The following STARD9 variants were observed in gnomAD, a reference collection of about 807,000 sequenced individuals.
The protein encoded by STARD9 is stAR-related lipid transfer protein 9.
A neutral mutation model predicts 399.8 loss-of-function variants in STARD9; 346 were observed. The observed-to-expected ratio is 0.87, with a 90% CI of 0.79 to 0.95. The LOEUF is 0.95. STARD9 is among the 40% of genes least tolerant of loss of function. STARD9 has a pLI of 0.00. For missense variants in STARD9, 5,832 were observed against 5,667.5 expected (o/e 1.03, Z -0.93); for synonymous variants, 2,203 against 2,143.5 (o/e 1.03, Z -0.77).
At chr15:42,619,684 C>T (rs1015386935) in intron 3 of STARD9, among the ~76,000 whole-genome samples, 2 of 152,162 alleles carry the variant, frequency 1.3e-5, no homozygotes, top group African/African-American at 4.8e-5. Context: ...AGAGCTCAGG[C>T]AATGAAGTGA....
At chr15:42,701,447 A>C (rs1163417771) in intron 26 of STARD9, among the ~76,000 whole-genome samples, 1 of 152,082 alleles carries the variant, frequency 6.6e-6, no homozygotes, top group African/African-American at 2.4e-5. Flanking sequence ...CGTTGTAGAG[A>C]TCTTTCACCT....
At chr15:42,636,913 A>G (rs180875735) in intron 4 of STARD9, among the ~76,000 whole-genome samples, 4 of 151,974 alleles carry the variant, frequency 2.6e-5, no homozygotes, top group African/African-American at 9.6e-5. Context: ...TAAAAATACA[A>G]ATTAGCCAGG....
At chr15:42,666,097 G>T (rs1036602071) in intron 15 of STARD9, among the ~76,000 whole-genome samples, 1 of 152,190 alleles carries the variant, frequency 6.6e-6, no homozygotes, top group Non-Finnish European at 1.5e-5. Context: ...TAGCCTGGGG[G>T]CAAAAGACTG....
At position 42,688,880 on chromosome 15, in the gene STARD9, C is replaced by G; in HGVS notation, c.7302C>G (p.Asp2434Glu). The G allele has an allele frequency of 6.5e-7, 1 of 1,537,206 alleles. No individual in the cohort carries two copies. Among genetic ancestry groups the G allele is most frequent in the Non-Finnish European group, 8.7e-7 (1 of 1,146,854 alleles). Residue 2434 changes from aspartate (D) to glutamate (E), a missense_variant, in exon 23 of 33, where the codon GAC (aspartate) becomes GAG (glutamate). Coordinates refer to ENST00000290607, the MANE Select transcript of STARD9 (RefSeq NM_020759.3). Reference sequence around the variant, plus strand: ...AGAGCATTCCTCTGGGGACAGAGGACAGGATCTCAGCAAGCACCAGCCCCC... The same window carrying G: ...AGAGCATTCCTCTGGGGACAGAGGAGAGGATCTCAGCAAGCACCAGCCCCC... ...VPESIPLGTE[D>E]RISASTSPQD...
In STARD9 at chr15:42,697,710, C is replaced by T. The variant is rs151023573; in HGVS notation, c.13284+1830C>T. Among the ~76,000 whole-genome samples the T allele has an allele frequency of 7.2e-5, 11 of 152,226 alleles. No homozygotes were observed. In the East Asian group the frequency reaches 1.3e-3, roughly 19 times the overall value. ...ACACTATATGAAATTACCTTCAGGC[C>T]GTGTGTATAAGGTATATATCCAACA... On this transcript the variant is annotated intron_variant, in intron 26 of 32. Transcript: ENST00000290607.
rs544081540 is a variant in STARD9 at position 42,579,061 on chromosome 15, A to G, written c.47+3299A>G. Among the ~76,000 whole-genome samples, 28 of 152,296 alleles carry G rather than the reference A, an allele frequency of 1.8e-4. 1 individual carries two copies. The South Asian group carries it at 5.6e-3, about 30-fold the overall frequency. ...CCAGGACACCAATGGCTACTTAACTATGAGGGGATGGATGCTTTAATCTTT... is the reference window on the plus strand; with the variant it reads ...CCAGGACACCAATGGCTACTTAACTGTGAGGGGATGGATGCTTTAATCTTT... On this transcript the variant is annotated intron_variant, in intron 1 of 32. Coordinates refer to ENST00000290607, the MANE Select transcript of STARD9 (RefSeq NM_020759.3).
Position 42,684,513 on chromosome 15 carries a change from G to A in STARD9, c.2935G>A (p.Gly979Arg). ...TACTACCCAGACCAGAGGGGCGAAG[G>A]GACTAGCAGACCCTAGCCACACACA... Reference protein sequence around the residue: ...TSTTQTRGAKGLADPSHTQAG... With the variant: ...TSTTQTRGAKRLADPSHTQAG... Residue 979 changes from glycine to arginine, a missense_variant, in exon 23 of 33, where the codon GGA becomes AGA. Physicochemically the swap from Gly to Arg is moderately radical, Grantham distance 125. Around this residue, in one of 2 missense-constraint regions of STARD9, gnomAD observed 5,828 missense variants for 5,651.1 expected, o/e 1.03. Coordinates refer to ENST00000290607, the MANE Select transcript of STARD9 (RefSeq NM_020759.3). 1 of 1,537,200 alleles carries A rather than the reference G, an allele frequency of 6.5e-7. No individual in the cohort carries two copies. Among genetic ancestry groups the A allele is most frequent in the Admixed American group, 2.0e-5 (1 of 51,006 alleles).
At chr15:42,663,001 C>T (rs1243573641) in intron 11 of STARD9, 110 bp downstream of exon 11, 1 of 868,128 alleles carries the variant, frequency 1.2e-6, no homozygotes, top group Non-Finnish European at 1.8e-6. Context: ...AGGTTACCTT[C>T]TGGTTTGGGG....
At chr15:42,679,003 G>A (rs1015793437) in intron 20 of STARD9, among the ~76,000 whole-genome samples, 4 of 152,182 alleles carry the variant, frequency 2.6e-5, no homozygotes, top group Non-Finnish European at 5.9e-5. Context: ...TATCATAGCT[G>A]TCACTTTCTT....
chr15:42,671,206 C>T (rs2060196788), intron 16 of STARD9: 1 of 141,254 alleles, frequency 7.1e-6, no homozygotes, highest in South Asian at 2.3e-4. Flanking sequence ...GATCTTAGCT[C>T]ACTGCAACCT....
intron 3 of STARD9, among the ~76,000 whole-genome samples, chr15:42,625,383 T>G (rs1011715169): frequency 1.3e-5 from 2 of 151,270 alleles, no homozygotes; most frequent in African/African-American, 4.9e-5. Flanking sequence ...CAGACTAGAG[T>G]GCAGTGGCGC....
At chr15:42,716,644 C>CT (rs1299233937) in intron 26 of STARD9, 33 bp from the exon 27 acceptor site, 32 of 1,376,364 alleles carry the variant, frequency 2.3e-5, no homozygotes, top group Non-Finnish European at 2.9e-5. Context: ...TGCTTGCCTT[C>CT]TGGCTCTGTC....
chr15:42,682,206 T>C lies in STARD9; in HGVS notation c.2168T>C (p.Leu723Pro). 2.0e-6 allele frequency: 3 copies of C among 1,537,254 alleles called. No individual in the cohort carries two copies. Among genetic ancestry groups the C allele is most frequent in the Non-Finnish European group, 2.6e-6 (3 of 1,146,892 alleles). ...AAAGAACTTGAGGCATCTGTGGCACTTGATGCTTGGCTTCAGACAGATCCT... is the reference window on the plus strand; with the variant it reads ...AAAGAACTTGAGGCATCTGTGGCACCTGATGCTTGGCTTCAGACAGATCCT... ...AEKELEASVA[L>P]DAWLQTDPEI... Residue 723 changes from leucine (L) to proline (P), a missense_variant, in exon 22 of 33, where the codon CTT becomes CCT. By Grantham distance (98) the Leu-to-Pro change is moderately conservative (BLOSUM62 -3). Around this residue, in one of 2 missense-constraint regions of STARD9, gnomAD observed 5,828 missense variants for 5,651.1 expected, o/e 1.03. Coordinates refer to ENST00000290607, the MANE Select transcript of STARD9 (RefSeq NM_020759.3).
intron 26 of STARD9, among the ~76,000 whole-genome samples, chr15:42,715,484 C>T (rs892353679): frequency 1.3e-5 from 2 of 151,592 alleles, no homozygotes; most frequent in Admixed American, 6.6e-5. Context: ...AGTCTAAGAC[C>T]AACATGGGCA....
At chr15:42,680,490 C>T (rs561341467) in intron 20 of STARD9, among the ~76,000 whole-genome samples, 1 of 152,154 alleles carries the variant, frequency 6.6e-6, no homozygotes, top group East Asian at 1.9e-4. Context: ...ATCCCAGCTA[C>T]TTGGGAGGCT....
At chr15:42,586,296 G>T (rs1188355742) in intron 3 of STARD9, among the ~76,000 whole-genome samples, 1 of 152,236 alleles carries the variant, frequency 6.6e-6, no homozygotes, top group Non-Finnish European at 1.5e-5. Flanking sequence ...CAGCCAGCCT[G>T]CAAGGTAGGT....
At position 42,719,764 on chromosome 15, in the gene STARD9, G is replaced by A. The variant is rs2140436674; in HGVS notation, c.*190G>A. 1 of 580,796 alleles carries A rather than the reference G, an allele frequency of 1.7e-6. No individual in the cohort carries two copies. Among genetic ancestry groups the A allele is most frequent in the East Asian group, 2.9e-5 (1 of 34,642 alleles). The allele number at this position is 580,796 out of a possible 1,614,324, so 36.0% of individuals were successfully genotyped here. A position where few individuals can be genotyped will look rare whatever the true frequency, so the allele number is the denominator to read the frequency against. The stretch of plus-strand genomic sequence containing the variant: ...CCCAGTCAGTACTTGGTCACAGCTG[G>A]CACCAGTGCAGAGCAAACGGCCTGA... On this transcript the variant is annotated 3_prime_UTR_variant, in exon 33 of 33. Transcript: ENST00000290607.
chr15:42,664,197 C>G (rs1016937713), intron 13 of STARD9, among the ~76,000 whole-genome samples: 1 of 152,078 alleles, frequency 6.6e-6, no homozygotes, highest in African/African-American at 2.4e-5. Context: ...TAAGAAAGGT[C>G]ATTTATTTTT....
At chr15:42,718,561 A>G (rs1489360405) in intron 31 of STARD9, 47 bp downstream of exon 31, 2 of 1,515,624 alleles carry the variant, frequency 1.3e-6, no homozygotes, top group East Asian at 2.5e-5. Context: ...CTTGGGCTGA[A>G]GTGTCGTGAG....
Sources: allele counts gnomAD v4.1 joint callset (sites outside exome capture counted in the v4.1 genomes callset), GRCh38; gene constraint gnomAD v4.1.1; regional missense constraint gnomAD v4.1.1; transcripts MANE v1.5; gene names NCBI Gene and HGNC (gene_info 2026-07-23, HGNC 2026-07-21).